The following AGMO variants were observed in gnomAD, a reference collection of about 807,000 sequenced individuals.
The protein encoded by AGMO is glyceryl-ether monooxygenase.
AGMO carries 75 observed loss-of-function variants against 60.2 expected under a neutral mutation model. The ratio of observed to expected loss-of-function variants is 1.25; its 90% CI spans 1.03 to 1.51. The LOEUF is 1.51. Ranked by LOEUF, AGMO falls within the 40% of genes most tolerant of loss-of-function variation. AGMO has a pLI of 0.00. For synonymous variants in AGMO, 261 were observed against 177.1 expected (o/e 1.47, Z -3.76); for missense variants, 763 against 525.5 (o/e 1.45, Z -4.42).
intron 3 of AGMO, among the ~76,000 whole-genome samples, chr7:15,438,172 A>G (rs561003743): frequency 9.2e-5 from 14 of 152,166 alleles, no homozygotes; most frequent in Admixed American, 1.3e-4. Context: ...TTTTCATACA[A>G]TCGAAAAGCA....
chr7:15,317,621 C>T (rs981025708), intron 12 of AGMO, among the ~76,000 whole-genome samples: 14 of 151,818 alleles, frequency 9.2e-5, no homozygotes, highest in African/African-American at 1.7e-4. Context: ...TGAACATGAA[C>T]GCATTATTAT....
chr7:15,184,371 G>GGAAAA, the AGMO span, among the ~76,000 whole-genome samples: 92 of 4,210 alleles, frequency 0.022, 38 homozygotes, highest in East Asian at 0.14. Context: ...AGGAAGGGAA[G>GGAAAA]GAAGGAAGGA....
intron 12 of AGMO, among the ~76,000 whole-genome samples, chr7:15,212,283 CACACA>C (rs892377813): frequency 1.4e-4 from 20 of 142,070 alleles, no homozygotes; most frequent in African/African-American, 4.9e-4. Flanking sequence ...CACACACACA[CACACA>C]AATAGCATGG....
intron 3 of AGMO, among the ~76,000 whole-genome samples, chr7:15,527,131 TC>T (rs1236347066): frequency 3.3e-5 from 5 of 152,034 alleles, no homozygotes; most frequent in African/African-American, 1.2e-4. Context: ...GTTTCACATA[TC>T]TCTCACTTTA....
At chr7:15,559,090 T>C (rs1240025922) in intron 2 of AGMO, among the ~76,000 whole-genome samples, 2 of 152,136 alleles carry the variant, frequency 1.3e-5, no homozygotes, top group Non-Finnish European at 2.9e-5. Flanking sequence ...CACATTATAA[T>C]GTACTCTTTC....
At chr7:15,334,863 T>G (rs1164622369) in intron 12 of AGMO, among the ~76,000 whole-genome samples, 1 of 152,164 alleles carries the variant, frequency 6.6e-6, no homozygotes, top group African/African-American at 2.4e-5. Flanking sequence ...GAGCAAAACC[T>G]AGCTATAAAT....
intron 12 of AGMO, among the ~76,000 whole-genome samples, chr7:15,258,200 C>T (rs1009535419): frequency 6.6e-6 from 1 of 152,078 alleles, no homozygotes; most frequent in Non-Finnish European, 1.5e-5. Flanking sequence ...TTTTTTATGG[C>T]TTTCAATTTC....
intron 12 of AGMO, among the ~76,000 whole-genome samples, chr7:15,291,100 G>A (rs1297671717): frequency 6.6e-6 from 1 of 152,084 alleles, no homozygotes; most frequent in African/African-American, 2.4e-5. Flanking sequence ...AATAATATGT[G>A]CAAGTCTGAT....
chr7:15,457,106 T>G (rs774531867), intron 3 of AGMO, among the ~76,000 whole-genome samples: 6 of 152,186 alleles, frequency 3.9e-5, no homozygotes, highest in Non-Finnish European at 5.9e-5. Context: ...CAGTTGCTTT[T>G]TAAACAATGA....
intron 3 of AGMO, among the ~76,000 whole-genome samples, chr7:15,532,760 G>A (rs1387807674): frequency 6.6e-6 from 1 of 152,084 alleles, no homozygotes; most frequent in East Asian, 1.9e-4. Context: ...GGAGGCCGAG[G>A]TGAGAGGATG....
At chr7:15,498,747 A>G (rs974226508) in intron 3 of AGMO, among the ~76,000 whole-genome samples, 1 of 151,968 alleles carries the variant, frequency 6.6e-6, no homozygotes, top group Non-Finnish European at 1.5e-5. Context: ...AGATATGAAC[A>G]TGTAAATGGT....
chr7:15,527,867 C>G (rs956955454), intron 3 of AGMO, among the ~76,000 whole-genome samples: 4 of 152,048 alleles, frequency 2.6e-5, no homozygotes, highest in African/African-American at 9.7e-5. Context: ...TGGATTACAG[C>G]ACATCTGTTT....
chr7:15,492,814 T>A (rs1783103077), intron 3 of AGMO, among the ~76,000 whole-genome samples: 4 of 152,108 alleles, frequency 2.6e-5, no homozygotes, highest in Admixed American at 2.6e-4. Context: ...GCTTCTGCAA[T>A]CCTGCTTCTG....
Position 15,558,023 on chromosome 7 carries a change from C to T in AGMO, c.257+2118G>A, listed in dbSNP as rs140170674. Among the ~76,000 whole-genome samples, 33 of 150,632 alleles carry T rather than the reference C, an allele frequency of 2.2e-4. No individual in the cohort carries two copies. The East Asian group carries it at 5.3e-3, about 24-fold the overall frequency. ...TCTCTCTCTCTCTCTCTCTCTCCCC[C>T]CTTTCCCCTTTCTCTCTGCTTTTTG... On this transcript the variant is annotated intron_variant, in intron 2 of 12. Transcript: ENST00000342526.
chr7:15,560,360 G>T, intron 1 of AGMO, 89 bp from the exon 2 acceptor site: 2 of 1,428,158 alleles, frequency 1.4e-6, no homozygotes, highest in Admixed American at 2.1e-5. Flanking sequence ...GAATTGAAAG[G>T]CCCAGATTTG....
the AGMO span, among the ~76,000 whole-genome samples, chr7:15,164,839 T>C: frequency 6.6e-6 from 1 of 152,140 alleles, no homozygotes; most frequent in Non-Finnish European, 1.5e-5. Context: ...TATGTAAATT[T>C]CTTAAAGAAA....
chr7:15,198,197 G>A (rs1255863300), downstream of AGMO, among the ~76,000 whole-genome samples: 2 of 9,122 alleles, frequency 2.2e-4, no homozygotes, highest in Non-Finnish European at 4.4e-4. Flanking sequence ...GGGCTTTCCC[G>A]AGAGAGAGAG....
chr7:15,212,720 T>C (rs1460914746), intron 12 of AGMO, among the ~76,000 whole-genome samples: 2 of 151,914 alleles, frequency 1.3e-5, no homozygotes, highest in African/African-American at 4.8e-5. Context: ...GTAACCATGA[T>C]TCAGTGCTTT....
intron 9 of AGMO, among the ~76,000 whole-genome samples, chr7:15,386,084 G>T (rs781221735): frequency 6.6e-6 from 1 of 152,070 alleles, no homozygotes; most frequent in Non-Finnish European, 1.5e-5. Context: ...AGGAGGCTGA[G>T]GCAGAAGAAC....
Sources: gnomAD v4.1 joint callset for allele counts (sites outside exome capture counted in the v4.1 genomes callset) on GRCh38, gnomAD v4.1.1 for gene constraint, MANE v1.5 for transcripts, NCBI Gene and HGNC (gene_info 2026-07-23, HGNC 2026-07-21) for gene names.